BLTP1: variants seen among roughly 807,000 people sequenced by gnomAD.
The protein encoded by BLTP1 is fragile site-associated protein.
the BLTP1 span, chr4:122,243,006 G>GC: frequency 6.3e-7 from 1 of 1,596,242 alleles, no homozygotes; most frequent in Non-Finnish European, 8.6e-7. Context: ...AGGTTATCAA[G>GC]CAGGGGCTCA....
chr4:122,254,434 C>G, the BLTP1 span: 4 of 1,327,074 alleles, frequency 3.0e-6, no homozygotes, highest in Middle Eastern at 2.4e-4. Context: ...TTAAAAATTA[C>G]TTTTCTGGTA....
At chr4:122,338,437 T>C in the BLTP1 span, among the ~76,000 whole-genome samples, 1 of 152,166 alleles carries the variant, frequency 6.6e-6, no homozygotes, top group East Asian at 1.9e-4. Context: ...ATTGTACCAC[T>C]GCAGTCCAGC....
chr4:122,286,032 A>G, the BLTP1 span, among the ~76,000 whole-genome samples: 1 of 152,202 alleles, frequency 6.6e-6, no homozygotes. Flanking sequence ...GGTCAAAGAG[A>G]CATATGTTTG....
At chr4:122,209,965 A>G in the BLTP1 span, 1 of 1,590,228 alleles carries the variant, frequency 6.3e-7, no homozygotes. Flanking sequence ...TACAGCTGCT[A>G]TTATGATTGA....
the BLTP1 span, among the ~76,000 whole-genome samples, chr4:122,285,345 C>T: frequency 6.6e-6 from 1 of 152,016 alleles, no homozygotes; most frequent in African/African-American, 2.4e-5. Context: ...GTTTTTATTT[C>T]AATCTTGGAG....
chr4:122,321,979 A>ATTTTTTTTTTTTTTTTTTTTT, the BLTP1 span, among the ~76,000 whole-genome samples: 17 of 27,014 alleles, frequency 6.3e-4, no homozygotes, highest in Non-Finnish European at 7.8e-4. Flanking sequence ...ACTACATGTA[A>ATTTTTTTTTTTTTTTTTTTTT]TTTTTTTTTT....
chr4:122,311,200 T>A, the BLTP1 span, among the ~76,000 whole-genome samples: 8 of 152,136 alleles, frequency 5.3e-5, no homozygotes, highest in Non-Finnish European at 2.9e-5. Context: ...TGACTCAGAA[T>A]CAGAAACATG....
At chr4:122,192,242 A>T in the BLTP1 span, 1 of 1,612,676 alleles carries the variant, frequency 6.2e-7, no homozygotes, top group Non-Finnish European at 8.5e-7. Flanking sequence ...TTGTTCCGGA[A>T]GAAACAGAAG....
the BLTP1 span, chr4:122,352,786 A>G: frequency 4.0e-6 from 5 of 1,246,450 alleles, no homozygotes; most frequent in Non-Finnish European, 4.5e-6. Flanking sequence ...CAGGCACTGG[A>G]CACTGTTTTC....
At chr4:122,292,402 T>C in the BLTP1 span, 2 of 821,884 alleles carry the variant, frequency 2.4e-6, no homozygotes, top group South Asian at 1.1e-4. Flanking sequence ...ACATTTAGAG[T>C]ATTAGTATTA....
chr4:122,304,841 G>A, the BLTP1 span: 1 of 1,613,928 alleles, frequency 6.2e-7, no homozygotes, highest in Non-Finnish European at 8.5e-7. Flanking sequence ...AGAGCTGTAA[G>A]ATTTGAAACT....
At chr4:122,299,241 C>G in the BLTP1 span, 1 of 638,492 alleles carries the variant, frequency 1.6e-6, no homozygotes, top group Non-Finnish European at 1.9e-6. Flanking sequence ...TAGAAGAGCA[C>G]TTGGCACTCA....
chr4:122,256,232 GT>G, the BLTP1 span: 17 of 940,074 alleles, frequency 1.8e-5, no homozygotes, highest in African/African-American at 2.5e-4. Flanking sequence ...TCTCTAGTAA[GT>G]GTTGGATTTG....
the BLTP1 span, among the ~76,000 whole-genome samples, chr4:122,292,133 G>A: frequency 3.8e-4 from 58 of 152,158 alleles, no homozygotes; most frequent in African/African-American, 1.3e-3. Flanking sequence ...ACCACACCCA[G>A]CTATTTTTTG....
At chr4:122,347,899 CAA>C in the BLTP1 span, 27,788 of 390,060 alleles carry the variant, frequency 0.071, 4 homozygotes, top group Middle Eastern at 0.078. Flanking sequence ...TATGACACGT[CAA>C]AAAAAAAAAA....
the BLTP1 span, chr4:122,201,872 G>A: frequency 3.0e-5 from 30 of 984,794 alleles, no homozygotes; most frequent in Admixed American, 6.8e-4. Context: ...TTATACAAGC[G>A]TCTCATCGAT....
the BLTP1 span, chr4:122,237,104 A>G: frequency 1.0e-6 from 1 of 984,304 alleles, no homozygotes; most frequent in Non-Finnish European, 1.2e-6. Flanking sequence ...AACTAATATT[A>G]TATTTTAGGT....
At chr4:122,195,184 CTT>C in the BLTP1 span, among the ~76,000 whole-genome samples, 1 of 152,130 alleles carries the variant, frequency 6.6e-6, no homozygotes, top group African/African-American at 2.4e-5. Context: ...GAGTTACTGA[CTT>C]TTGAAATAGC....
chr4:122,352,431 C>A, the BLTP1 span, among the ~76,000 whole-genome samples: 24 of 148,174 alleles, frequency 1.6e-4, no homozygotes, highest in Non-Finnish European at 2.5e-4. Context: ...ACGATCTCAG[C>A]TCACTACAAC....
Sources: allele counts gnomAD v4.1 joint callset (sites outside exome capture counted in the v4.1 genomes callset), GRCh38; gene constraint gnomAD v4.1.1; transcripts MANE v1.5; gene names NCBI Gene and HGNC (gene_info 2026-07-23, HGNC 2026-07-21).